Variants in NBEA observed in about 807,000 individuals in gnomAD.
The protein encoded by NBEA is neurobeachin.
A neutral mutation model predicts 343.4 loss-of-function variants in NBEA; 44 were observed. The ratio of observed to expected loss-of-function variants is 0.13; its 90% CI spans 0.10 to 0.16. The LOEUF is 0.16. NBEA is among the 10% of genes least tolerant of loss of function. NBEA has a pLI of 1.00. For synonymous variants in NBEA, 1,175 were observed against 1,238.7 expected (o/e 0.95, Z 1.08); for missense variants, 2,555 against 3,631.3 (o/e 0.70, Z 7.62).
chr13:35,472,394 T>A lies in NBEA; in HGVS notation c.6449-6T>A. The A allele has an allele frequency of 6.2e-7, 1 of 1,612,532 alleles. No homozygotes were observed. Among genetic ancestry groups the A allele is most frequent in the Non-Finnish European group, 8.5e-7 (1 of 1,179,286 alleles). On this transcript the variant is annotated splice_region_variant and splice_polypyrimidine_tract_variant and intron_variant, in intron 40 of 58. Coordinates refer to ENST00000379939, the MANE Select transcript of NBEA (RefSeq NM_001385012.1). ...CAGCCTGACTCCCCTTGTCCTTGCC[T>A]TGCAGGCCCAGTGGTTCTCAGCACC...
At chr13:35,199,096 A>G (rs562627684) in intron 31 of NBEA, among the ~76,000 whole-genome samples, 3 of 152,194 alleles carry the variant, frequency 2.0e-5, no homozygotes, top group Admixed American at 2.0e-4. Context: ...CAACATCAAA[A>G]ATTTAACTTC....
chr13:34,984,899 A>T (rs899476643), intron 1 of NBEA, among the ~76,000 whole-genome samples: 2 of 151,032 alleles, frequency 1.3e-5, no homozygotes, highest in African/African-American at 4.8e-5. Flanking sequence ...GTATCCTGAG[A>T]CTTTGCTGAA....
At chr13:35,360,480 AAT>A (rs1377407037) in intron 38 of NBEA, among the ~76,000 whole-genome samples, 1 of 152,026 alleles carries the variant, frequency 6.6e-6, no homozygotes, top group Non-Finnish European at 1.5e-5. Context: ...AAAACTACTC[AAT>A]ATACAAAGGA....
intron 34 of NBEA, chr13:35,251,585 TGGAA>T (rs2031963343): frequency 8.2e-7 from 1 of 1,216,240 alleles, no homozygotes; most frequent in Non-Finnish European, 1.1e-6. Context: ...ACAGAAGCAG[TGGAA>T]GCCAAACAGG....
intron 6 of NBEA, 125 bp downstream of exon 6, chr13:35,050,520 T>C: frequency 1.0e-6 from 1 of 1,000,964 alleles, no homozygotes. Context: ...TCTCTTATCC[T>C]TGTCTGCATT....
At chr13:35,505,443 C>T (rs540205666) in intron 41 of NBEA, among the ~76,000 whole-genome samples, 2 of 152,292 alleles carry the variant, frequency 1.3e-5, no homozygotes, top group South Asian at 4.2e-4. Context: ...GAATTCTGAA[C>T]TGGGAGTGTA....
intron 41 of NBEA, among the ~76,000 whole-genome samples, chr13:35,510,097 C>A (rs1244971978): frequency 6.6e-6 from 1 of 152,132 alleles, no homozygotes; most frequent in Non-Finnish European, 1.5e-5. Flanking sequence ...CTTTTGAAAA[C>A]ATTTGAAATG....
At chr13:35,532,002 C>A (rs912857606) in intron 41 of NBEA, among the ~76,000 whole-genome samples, 1 of 152,154 alleles carries the variant, frequency 6.6e-6, no homozygotes, top group African/African-American at 2.4e-5. Flanking sequence ...ACCTGAGATT[C>A]ATCTTATGCT....
At chr13:35,610,246 G>A (rs1394720259) in intron 48 of NBEA, among the ~76,000 whole-genome samples, 1 of 152,036 alleles carries the variant, frequency 6.6e-6, no homozygotes, top group African/African-American at 2.4e-5. Flanking sequence ...ACAAAACTTA[G>A]TCAGGTGTGG....
chr13:35,131,548 T>C (rs1330537074), intron 17 of NBEA, among the ~76,000 whole-genome samples: 1 of 152,230 alleles, frequency 6.6e-6, no homozygotes, highest in African/African-American at 2.4e-5. Flanking sequence ...TTATTCAATC[T>C]GGTAACATAT....
intron 38 of NBEA, among the ~76,000 whole-genome samples, chr13:35,384,715 G>A (rs1455191449): frequency 2.6e-5 from 4 of 151,782 alleles, no homozygotes; most frequent in Admixed American, 1.3e-4. Flanking sequence ...TTGTAGAGAC[G>A]GGGTTTCACC....
intron 49 of NBEA, among the ~76,000 whole-genome samples, chr13:35,629,568 T>C (rs1308902373): frequency 6.6e-6 from 1 of 152,116 alleles, no homozygotes; most frequent in Non-Finnish European, 1.5e-5. Flanking sequence ...GCACACAAGA[T>C]AAAATTATTG....
intron 36 of NBEA, among the ~76,000 whole-genome samples, chr13:35,345,682 G>A (rs916662880): frequency 2.0e-5 from 3 of 152,042 alleles, no homozygotes; most frequent in Admixed American, 6.6e-5. Context: ...ATTAAGTGAA[G>A]GTGTTGGCAA....
chr13:34,992,905 G>A (rs1181141276), intron 1 of NBEA, among the ~76,000 whole-genome samples: 9 of 148,124 alleles, frequency 6.1e-5, no homozygotes, highest in African/African-American at 2.2e-4. Flanking sequence ...GGATGGTCTC[G>A]GTCTCTTGAC....
intron 47 of NBEA, among the ~76,000 whole-genome samples, chr13:35,605,200 T>C (rs2082236457): frequency 1.3e-5 from 2 of 152,180 alleles, no homozygotes; most frequent in African/African-American, 2.4e-5. Flanking sequence ...TATGGACCTG[T>C]TGATGCACCC....
chr13:35,445,743 A>G (rs1465714204), intron 39 of NBEA, among the ~76,000 whole-genome samples: 1 of 146,292 alleles, frequency 6.8e-6, no homozygotes, highest in Admixed American at 7.0e-5. Context: ...AAATTGAACA[A>G]TGATAAGATA....
intron 38 of NBEA, among the ~76,000 whole-genome samples, chr13:35,414,293 C>A (rs1288641319): frequency 6.6e-6 from 1 of 152,104 alleles, no homozygotes; most frequent in Non-Finnish European, 1.5e-5. Flanking sequence ...AGGTTTGGTA[C>A]ATATGTATAC....
intron 34 of NBEA, among the ~76,000 whole-genome samples, chr13:35,258,935 G>A (rs2032938556): frequency 6.6e-6 from 1 of 152,184 alleles, no homozygotes; most frequent in South Asian, 2.1e-4. Context: ...GGTAATATAA[G>A]TGTTCTGAGC....
intron 46 of NBEA, chr13:35,593,100 A>G: frequency 2.5e-6 from 1 of 404,692 alleles, no homozygotes; most frequent in Non-Finnish European, 4.4e-6. Flanking sequence ...TTCACAGATG[A>G]GAAGACCAGA....
Sources: allele counts gnomAD v4.1 joint callset (sites outside exome capture counted in the v4.1 genomes callset), GRCh38; gene constraint gnomAD v4.1.1; transcripts MANE v1.5; gene names NCBI Gene and HGNC (gene_info 2026-07-23, HGNC 2026-07-21).